Variants in CDH6 observed in about 807,000 individuals in gnomAD.
CDH6 encodes the protein cadherin-6.
A neutral mutation model predicts 78.0 loss-of-function variants in CDH6; 31 were observed. The ratio of observed to expected loss-of-function variants is 0.40; its 90% CI spans 0.30 to 0.54. The LOEUF (loss-of-function observed/expected upper bound fraction) is 0.54, where lower values mean the gene tolerates loss of function less well. CDH6 is among the 20% of genes least tolerant of loss of function. The probability of loss-of-function intolerance (pLI) is 0.56; values close to 1 mark genes in which losing one functional copy is unlikely to be tolerated. For synonymous variants in CDH6, 376 were observed against 368.8 expected, an observed-to-expected ratio of 1.02 and a Z score of -0.23; for missense variants, 724 against 975.9, an observed-to-expected ratio of 0.74 and a Z score of 3.44.
intron 1 of CDH6, among the ~76,000 whole-genome samples, chr5:31,197,509 C>T (rs1313491374): frequency 6.6e-6 from 1 of 152,168 alleles, no homozygotes; most frequent in Non-Finnish European, 1.5e-5. Flanking sequence ...CTACTGAGCA[C>T]ACTTTATTTA....
At chr5:31,209,682 T>A (rs1740639061) in intron 1 of CDH6, among the ~76,000 whole-genome samples, 1 of 152,156 alleles carries the variant, frequency 6.6e-6, no homozygotes, top group South Asian at 2.1e-4. Context: ...TCGAACTGGA[T>A]TAAACAGAAG....
rs937277447 is a variant in CDH6, at chr5:31,326,464, T to C, written c.*3156T>C. The C allele has an allele frequency of 2.5e-5, 5 of 200,472 alleles. No homozygotes were observed. Among genetic ancestry groups the C allele is most frequent in the East Asian group, 7.7e-5 (1 of 12,958 alleles). 12.4% of individuals were successfully genotyped at this position (200,472 alleles called of 1,614,324 possible). On this transcript the variant is annotated 3_prime_UTR_variant, in exon 12 of 12. Transcript: ENST00000265071. ...TGGGAAAGAAGCAAAGATTATTCCA[T>C]AGAACCACAAGAGAGGGAATGTGGG...
chr5:31,300,893 G>A (rs1164747289), intron 5 of CDH6, among the ~76,000 whole-genome samples: 3 of 152,204 alleles, frequency 2.0e-5, no homozygotes, highest in African/African-American at 7.2e-5. Flanking sequence ...GGCTGAGGGA[G>A]GAAGACTGTG....
chr5:31,262,797 T>C (rs1352024371), intron 1 of CDH6, among the ~76,000 whole-genome samples: 2 of 152,182 alleles, frequency 1.3e-5, no homozygotes, highest in African/African-American at 4.8e-5. Flanking sequence ...TCCTGACATC[T>C]ACAAAATGAG....
intron 2 of CDH6, among the ~76,000 whole-genome samples, chr5:31,291,074 C>T (rs961594793): frequency 2.0e-5 from 3 of 152,124 alleles, no homozygotes; most frequent in Non-Finnish European, 4.4e-5. Context: ...TGGAATTCAC[C>T]TATTAAGTGT....
At chr5:31,293,058 T>G (rs1453119632) in intron 2 of CDH6, among the ~76,000 whole-genome samples, 1 of 151,986 alleles carries the variant, frequency 6.6e-6, no homozygotes, top group Non-Finnish European at 1.5e-5. Context: ...GATTCTCATC[T>G]TCTATTTCCA....
In CDH6 at chr5:31,323,122, C is replaced by T. The variant is rs1220656113; in HGVS notation, c.2187C>T (p.Ala729=). The T allele has an allele frequency of 1.2e-6, 2 of 1,614,134 alleles. No individual in the cohort carries two copies. Among genetic ancestry groups the T allele is most frequent in the Non-Finnish European group, 8.5e-7 (1 of 1,180,022 alleles). The change falls in exon 12 of 12, where the codon GCC becomes GCT. Residue 729 remains alanine, a synonymous_variant. Transcript: ENST00000265071. The stretch of plus-strand genomic sequence containing the variant: ...AGGAAAATGACACGGACCCCACTGC[C>T]CCGCCATACGACTCCTTGGCCACTT... ...RLKENDTDPT[A]PPYDSLATYA...
At chr5:31,259,532 T>G (rs998303862) in intron 1 of CDH6, among the ~76,000 whole-genome samples, 1 of 152,210 alleles carries the variant, frequency 6.6e-6, no homozygotes, top group Admixed American at 6.5e-5. Flanking sequence ...TTGTCTTCCA[T>G]GGCCATGTGT....
chr5:31,208,055 G>A (rs1298163705), intron 1 of CDH6, among the ~76,000 whole-genome samples: 1 of 152,226 alleles, frequency 6.6e-6, no homozygotes, highest in Non-Finnish European at 1.5e-5. Context: ...AGCTCTGGGA[G>A]CCCACACTAT....
intron 11 of CDH6, among the ~76,000 whole-genome samples, chr5:31,320,258 G>A (rs1319486231): frequency 6.6e-6 from 1 of 152,236 alleles, no homozygotes; most frequent in Non-Finnish European, 1.5e-5. Context: ...TTGGGCTAAT[G>A]AGAAAAGATA....
At chr5:31,249,413 C>T (rs1419203193) in intron 1 of CDH6, 1 of 152,174 alleles carries the variant, frequency 6.6e-6, no homozygotes, top group African/African-American at 2.4e-5. Flanking sequence ...CCTCAATCAA[C>T]TGATGTGGTG....
At chr5:31,198,706 A>T (rs1044099525) in intron 1 of CDH6, among the ~76,000 whole-genome samples, 1 of 152,122 alleles carries the variant, frequency 6.6e-6, no homozygotes, top group African/African-American at 2.4e-5. Context: ...CAGCAGAGGG[A>T]AACATAAGAA....
intron 1 of CDH6, among the ~76,000 whole-genome samples, chr5:31,206,607 G>A (rs1740529053): frequency 6.6e-6 from 1 of 152,144 alleles, no homozygotes; most frequent in East Asian, 1.9e-4. Context: ...GGGCCCCTGT[G>A]CTCAGTTCTG....
At chr5:31,198,474 G>T (rs1234797500) in intron 1 of CDH6, among the ~76,000 whole-genome samples, 2 of 152,058 alleles carry the variant, frequency 1.3e-5, no homozygotes, top group African/African-American at 4.8e-5. Context: ...AGAAGATGAG[G>T]CACATAAAGC....
chr5:31,311,141 A>C (rs1217608249), intron 7 of CDH6, among the ~76,000 whole-genome samples: 1 of 152,224 alleles, frequency 6.6e-6, no homozygotes, highest in Non-Finnish European at 1.5e-5. Context: ...ATATGAGCAT[A>C]CACTTTAAGA....
intron 1 of CDH6, among the ~76,000 whole-genome samples, chr5:31,252,114 G>T (rs1338107384): frequency 1.3e-5 from 2 of 152,112 alleles, no homozygotes; most frequent in Admixed American, 1.3e-4. Context: ...TGCACTTCTG[G>T]CATTATCTGA....
chr5:31,243,643 GA>G (rs1741663620), intron 1 of CDH6, among the ~76,000 whole-genome samples: 1 of 152,076 alleles, frequency 6.6e-6, no homozygotes, highest in Non-Finnish European at 1.5e-5. Flanking sequence ...CCCTCCCTGA[GA>G]ACAACTTCTC....
chr5:31,287,394 C>T (rs1199642759), intron 2 of CDH6, among the ~76,000 whole-genome samples: 1 of 152,156 alleles, frequency 6.6e-6, no homozygotes, highest in East Asian at 1.9e-4. Flanking sequence ...CAAAATCCAC[C>T]TTTGGATATT....
intron 1 of CDH6, among the ~76,000 whole-genome samples, chr5:31,240,785 G>A (rs1001163722): frequency 1.3e-5 from 2 of 152,176 alleles, no homozygotes; most frequent in Non-Finnish European, 1.5e-5. Flanking sequence ...TGATAGTGTC[G>A]CTCTGAGTTG....
Sources: gnomAD v4.1 joint callset for allele counts (sites outside exome capture counted in the v4.1 genomes callset) on GRCh38, gnomAD v4.1.1 for gene constraint, MANE v1.5 for transcripts, NCBI Gene and HGNC (gene_info 2026-07-23, HGNC 2026-07-21) for gene names.